Variants in LINGO2 observed in about 807,000 individuals in gnomAD.
The protein encoded by LINGO2 is leucine rich repeat and Ig domain containing 2.
A neutral mutation model predicts 30.6 loss-of-function variants in LINGO2; 14 were observed. The ratio of observed to expected loss-of-function variants is 0.46; its 90% confidence interval spans 0.30 to 0.72. The LOEUF (loss-of-function observed/expected upper bound fraction) is 0.72. Among genes scored for constraint, LINGO2 ranks in the 30% least tolerant of loss-of-function variants. LINGO2 has a pLI of 0.07. For missense variants in LINGO2, 729 were observed against 751.7 expected (o/e 0.97, Z 0.35); for synonymous variants, 317 against 288.5 (o/e 1.10, Z -1.00).
intron 2 of LINGO2, among the ~76,000 whole-genome samples, chr9:28,411,264 G>T (rs569855996): frequency 2.5e-4 from 38 of 151,810 alleles, no homozygotes; most frequent in Non-Finnish European, 5.2e-4. Context: ...TTTTTTTTAG[G>T]ATCTATTTCA....
the LINGO2 span, among the ~76,000 whole-genome samples, chr9:29,064,268 T>C: frequency 6.6e-6 from 1 of 152,098 alleles, no homozygotes; most frequent in Non-Finnish European, 1.5e-5. Context: ...GGAATCTAGT[T>C]GCAAGCTTAT....
chr9:28,532,254 T>C (rs1821262399), intron 1 of LINGO2, among the ~76,000 whole-genome samples: 1 of 152,158 alleles, frequency 6.6e-6, no homozygotes, highest in Non-Finnish European at 1.5e-5. Context: ...ATTTCTCCTA[T>C]AAATCTAGGA....
chr9:28,258,972 C>T (rs898308131), intron 4 of LINGO2, among the ~76,000 whole-genome samples: 1 of 150,740 alleles, frequency 6.6e-6, no homozygotes, highest in Non-Finnish European at 1.5e-5. Context: ...GAGGATTGGT[C>T]CCATACCAAC....
intron 1 of LINGO2, among the ~76,000 whole-genome samples, chr9:28,494,205 T>A (rs1183256878): frequency 6.6e-6 from 1 of 152,134 alleles, no homozygotes; most frequent in African/African-American, 2.4e-5. Flanking sequence ...TGTATCAACC[T>A]AATATTTAGG....
intron 1 of LINGO2, among the ~76,000 whole-genome samples, chr9:28,662,816 TA>T (rs1367915582): frequency 6.6e-6 from 1 of 152,200 alleles, no homozygotes. Flanking sequence ...AATGTTCACC[TA>T]TTTCCAAAGA....
At chr9:28,623,291 C>T (rs1826497061) in intron 1 of LINGO2, among the ~76,000 whole-genome samples, 1 of 151,918 alleles carries the variant, frequency 6.6e-6, no homozygotes, top group African/African-American at 2.4e-5. Flanking sequence ...TAGAGTTTCC[C>T]CAAAGTTTTC....
the LINGO2 span, among the ~76,000 whole-genome samples, chr9:28,699,826 CT>C: frequency 6.6e-6 from 1 of 151,872 alleles, no homozygotes; most frequent in Admixed American, 6.6e-5. Flanking sequence ...GAGATAAGCC[CT>C]GGTCTCCTGC....
chr9:28,770,737 G>C, the LINGO2 span, among the ~76,000 whole-genome samples: 23 of 152,220 alleles, frequency 1.5e-4, no homozygotes, highest in Middle Eastern at 3.4e-3. Flanking sequence ...TTAATATATG[G>C]TATAGCATAA....
the LINGO2 span, among the ~76,000 whole-genome samples, chr9:28,797,333 T>TATATAC: frequency 1.9e-5 from 1 of 52,996 alleles, no homozygotes; most frequent in African/African-American, 8.0e-5. Context: ...TATATACATA[T>TATATAC]ATATATATAT....
At chr9:28,574,388 G>C (rs140852479) in intron 1 of LINGO2, among the ~76,000 whole-genome samples, 1 of 152,282 alleles carries the variant, frequency 6.6e-6, no homozygotes, top group African/African-American at 2.4e-5. Context: ...TCAGCCATTT[G>C]TTTCCATACA....
chr9:28,798,428 C>A, the LINGO2 span, among the ~76,000 whole-genome samples: 1,005 of 152,132 alleles, frequency 6.6e-3, 13 homozygotes, highest in African/African-American at 0.023. Context: ...GGAGATAAAA[C>A]AGAGTGTATG....
chr9:28,838,603 T>C, the LINGO2 span, among the ~76,000 whole-genome samples: 1 of 152,156 alleles, frequency 6.6e-6, no homozygotes, highest in Non-Finnish European at 1.5e-5. Flanking sequence ...GCTAATAATC[T>C]GGGGGTCATC....
chr9:28,750,528 C>A, the LINGO2 span, among the ~76,000 whole-genome samples: 1 of 152,090 alleles, frequency 6.6e-6, no homozygotes. Flanking sequence ...GTCTGCAAAT[C>A]TTCAGAACTG....
chr9:28,968,362 G>C, the LINGO2 span, among the ~76,000 whole-genome samples: 2 of 152,076 alleles, frequency 1.3e-5, no homozygotes, highest in African/African-American at 4.8e-5. Flanking sequence ...AATGAACTAG[G>C]AGATGAAGAA....
At chr9:28,717,245 T>C in the LINGO2 span, among the ~76,000 whole-genome samples, 1 of 150,922 alleles carries the variant, frequency 6.6e-6, no homozygotes, top group East Asian at 2.0e-4. Context: ...GCCCATCAGC[T>C]GCTTAAAGAG....
At chr9:28,373,434 A>G (rs1456469088) in intron 2 of LINGO2, among the ~76,000 whole-genome samples, 1 of 152,176 alleles carries the variant, frequency 6.6e-6, no homozygotes, top group Non-Finnish European at 1.5e-5. Flanking sequence ...TTCCTTATGG[A>G]AATTGTAATT....
At chr9:27,938,187 C>A in the LINGO2 span, 1 of 152,138 alleles carries the variant, frequency 6.6e-6, no homozygotes, top group Non-Finnish European at 1.5e-5. Flanking sequence ...AAAGAGGTGT[C>A]GTTACGAATT....
At chr9:28,777,165 A>T in the LINGO2 span, among the ~76,000 whole-genome samples, 1 of 151,598 alleles carries the variant, frequency 6.6e-6, no homozygotes, top group Admixed American at 6.6e-5. Flanking sequence ...AGTCAATTAA[A>T]CCTCTTTTCT....
chr9:29,132,022 C>G, the LINGO2 span, among the ~76,000 whole-genome samples: 2 of 151,636 alleles, frequency 1.3e-5, no homozygotes, highest in African/African-American at 4.9e-5. Flanking sequence ...AGGTTTCCAG[C>G]CAGGTCCAGG....
Sources: gnomAD v4.1 joint callset for allele counts (sites outside exome capture counted in the v4.1 genomes callset) on GRCh38, gnomAD v4.1.1 for gene constraint, MANE v1.5 for transcripts, NCBI Gene and HGNC (gene_info 2026-07-23, HGNC 2026-07-21) for gene names.